The following NAV2 variants were observed in gnomAD, a reference collection of about 807,000 sequenced individuals.
The protein encoded by NAV2 is neuron navigator 2, also known as helicase, APC down-regulated 1.
A neutral mutation model predicts 223.2 loss-of-function variants in NAV2; 54 were observed. The observed-to-expected ratio is 0.24, with a 90% CI of 0.19 to 0.30. NAV2 has a LOEUF of 0.30. Ranked by LOEUF, NAV2 falls within the 10% of genes least tolerant of loss-of-function variation. NAV2 has a pLI of 1.00. For synonymous variants in NAV2, 1,279 were observed against 1,239.3 expected (o/e 1.03, Z -0.67); for missense variants, 2,806 against 3,147.5 (o/e 0.89, Z 2.60).
chr11:19,498,431 A>G (rs891203627), intron 1 of NAV2, among the ~76,000 whole-genome samples: 1 of 152,240 alleles, frequency 6.6e-6, no homozygotes, highest in African/African-American at 2.4e-5. Context: ...TTTCTTGAAC[A>G]GAAGATGATG....
intron 1 of NAV2, among the ~76,000 whole-genome samples, chr11:19,771,325 T>C (rs183069530): frequency 2.0e-5 from 3 of 152,342 alleles, no homozygotes. Flanking sequence ...AACAAAGTAC[T>C]AAGAGCATTT....
intron 20 of NAV2, among the ~76,000 whole-genome samples, chr11:20,064,093 G>A (rs544976309): frequency 6.6e-6 from 1 of 152,282 alleles, no homozygotes; most frequent in East Asian, 1.9e-4. Context: ...GCTTTATATA[G>A]AGTAACCTTG....
intron 3 of NAV2, among the ~76,000 whole-genome samples, chr11:19,861,994 C>A (rs1035208774): frequency 6.6e-6 from 1 of 152,178 alleles, no homozygotes; most frequent in Non-Finnish European, 1.5e-5. Context: ...AGCTACAACT[C>A]CCCTCCCAGG....
intron 1 of NAV2, among the ~76,000 whole-genome samples, chr11:19,659,469 T>A (rs1411486228): frequency 6.6e-6 from 1 of 152,124 alleles, no homozygotes; most frequent in Non-Finnish European, 1.5e-5. Context: ...CTCTAATTTA[T>A]GATATTAAAA....
At chr11:19,472,946 A>G (rs1034440255) in intron 1 of NAV2, among the ~76,000 whole-genome samples, 5 of 152,188 alleles carry the variant, frequency 3.3e-5, no homozygotes, top group African/African-American at 9.7e-5. Context: ...TGAAGATCCC[A>G]TCCTTTGTGC....
At chr11:19,415,486 C>T (rs986775166) in intron 1 of NAV2, among the ~76,000 whole-genome samples, 22 of 152,112 alleles carry the variant, frequency 1.4e-4, no homozygotes, top group African/African-American at 5.1e-4. Flanking sequence ...CAGGACCCAA[C>T]GGATTCACAG....
intron 6 of NAV2, among the ~76,000 whole-genome samples, chr11:19,914,310 G>A (rs573585526): frequency 6.6e-5 from 10 of 152,156 alleles, no homozygotes; most frequent in Admixed American, 3.3e-4. Context: ...CATTACTGTC[G>A]GTCACTATTT....
chr11:19,378,592 G>T (rs1848723225), intron 1 of NAV2, among the ~76,000 whole-genome samples: 1 of 141,266 alleles, frequency 7.1e-6, no homozygotes, highest in African/African-American at 2.6e-5. Context: ...ATTGGCTTTT[G>T]AAATGGCAGA....
chr11:19,858,858 G>C (rs1188345930), intron 3 of NAV2, among the ~76,000 whole-genome samples: 1 of 152,152 alleles, frequency 6.6e-6, no homozygotes, highest in Non-Finnish European at 1.5e-5. Flanking sequence ...ACTTCAAAAT[G>C]ATCTTTCACT....
At chr11:19,995,454 C>G (rs1368571954) in intron 11 of NAV2, among the ~76,000 whole-genome samples, 1 of 152,216 alleles carries the variant, frequency 6.6e-6, no homozygotes, top group Non-Finnish European at 1.5e-5. Flanking sequence ...CTTGTGCAGG[C>G]AGCAGAGGAG....
intron 3 of NAV2, among the ~76,000 whole-genome samples, chr11:19,846,323 C>A (rs1355015753): frequency 6.6e-6 from 1 of 152,180 alleles, no homozygotes; most frequent in Non-Finnish European, 1.5e-5. Flanking sequence ...GCATCAACTC[C>A]TTGTCCTGTT....
chr11:19,381,411 T>A (rs1210164341), intron 1 of NAV2, among the ~76,000 whole-genome samples: 2 of 152,238 alleles, frequency 1.3e-5, no homozygotes, highest in Non-Finnish European at 2.9e-5. Flanking sequence ...AGTGAATGAA[T>A]GAAGTCATAA....
intron 3 of NAV2, among the ~76,000 whole-genome samples, chr11:19,860,196 G>T (rs1359658361): frequency 6.7e-6 from 1 of 148,184 alleles, no homozygotes; most frequent in Non-Finnish European, 1.5e-5. Flanking sequence ...CTCCCAGACG[G>T]GGTGGCTGCC....
At chr11:19,641,619 C>G (rs1169647079) in intron 1 of NAV2, among the ~76,000 whole-genome samples, 1 of 151,752 alleles carries the variant, frequency 6.6e-6, no homozygotes, top group Non-Finnish European at 1.5e-5. Flanking sequence ...GCTATGCAGA[C>G]CCCCACAAAC....
At chr11:20,070,955 T>A (rs941941636) in intron 22 of NAV2, among the ~76,000 whole-genome samples, 2 of 152,104 alleles carry the variant, frequency 1.3e-5, no homozygotes, top group Admixed American at 6.6e-5. Context: ...TCAGGTTTTT[T>A]AAATTTTTTT....
chr11:19,823,242 T>C (rs1395936746), intron 1 of NAV2, among the ~76,000 whole-genome samples: 2 of 152,084 alleles, frequency 1.3e-5, no homozygotes, highest in Non-Finnish European at 2.9e-5. Context: ...ATTTTCACTT[T>C]TGTCGCTCAG....
chr11:20,080,347 T>C, intron 25 of NAV2, 138 bp downstream of exon 25: 1 of 760,152 alleles, frequency 1.3e-6, no homozygotes, highest in East Asian at 2.8e-5. Context: ...CAGGAAATGG[T>C]TTGTGGATGG....
chr11:19,396,287 C>T (rs972680858), intron 1 of NAV2, among the ~76,000 whole-genome samples: 3 of 152,102 alleles, frequency 2.0e-5, no homozygotes, highest in African/African-American at 7.2e-5. Context: ...TACTATTATC[C>T]AAGATCGCAT....
intron 12 of NAV2, among the ~76,000 whole-genome samples, chr11:20,037,930 C>T (rs2056550761): frequency 3.6e-4 from 1 of 2,758 alleles, no homozygotes. Context: ...AGGAATTGCT[C>T]ACCCTGCATC....
Sources: allele counts gnomAD v4.1 joint callset (sites outside exome capture counted in the v4.1 genomes callset), GRCh38; gene constraint gnomAD v4.1.1; transcripts MANE v1.5; gene names NCBI Gene and HGNC (gene_info 2026-07-23, HGNC 2026-07-21).